Variants in AIM2 observed in about 807,000 individuals in gnomAD.
AIM2 encodes the protein interferon-inducible protein AIM2.
In AIM2, 30 loss-of-function variants were observed where a neutral mutation model predicts 27.7. The observed-to-expected ratio is 1.08, with a 90% CI of 0.81 to 1.47. The LOEUF (loss-of-function observed/expected upper bound fraction) is 1.47. Among genes scored for constraint, AIM2 ranks in the 40% most tolerant of loss-of-function variants. AIM2 has a pLI of 0.00. For missense variants in AIM2, 358 were observed against 411.3 expected (o/e 0.87, Z 1.12); for synonymous variants, 141 against 145.3 (o/e 0.97, Z 0.21).
chr1:159,142,545 G>A (rs141479768), upstream of AIM2, among the ~76,000 whole-genome samples: 15 of 152,138 alleles, frequency 9.9e-5, no homozygotes, highest in East Asian at 1.9e-3. Context: ...TGCTCAGCCC[G>A]GAATCCCTGA....
At chr1:159,083,280 C>A (rs1004729743) in intron 1 of AIM2, among the ~76,000 whole-genome samples, 1 of 152,030 alleles carries the variant, frequency 6.6e-6, no homozygotes, top group Non-Finnish European at 1.5e-5. Context: ...AGGGTTCCAA[C>A]AATGTAAGAA....
At position 159,104,646 on chromosome 1, in the gene AIM2, T is replaced by C. The variant is rs923040604; in HGVS notation, c.-16+35785A>G. ...GTGATTACATGTTGAAGTGATAATA[T>C]TTTGGATATACTGGGTTTAATCAGA... is the stretch of plus-strand genomic sequence containing the variant. On this transcript the variant is annotated intron_variant, in intron 1 of 2. Coordinates refer to the AIM2 transcript ENST00000368129. Among the ~76,000 whole-genome samples the C allele has an allele frequency of 3.3e-5, 5 of 152,216 alleles. No individual in the cohort carries two copies. The South Asian group carries it at 6.2e-4, about 19-fold the overall frequency.
At chr1:159,143,799 C>T (rs1180228399), upstream of AIM2, among the ~76,000 whole-genome samples, 10 of 152,158 alleles carry the variant, frequency 6.6e-5, no homozygotes, top group Admixed American at 6.5e-4. Flanking sequence ...GTAATGTTCC[C>T]ACTTGCTGCT....
chr1:159,056,253 G>A, the AIM2 span, among the ~76,000 whole-genome samples: 1 of 152,288 alleles, frequency 6.6e-6, no homozygotes, highest in South Asian at 2.1e-4. Context: ...TTCCACCCAG[G>A]AAGAGGAGGG....
intron 1 of AIM2, among the ~76,000 whole-genome samples, chr1:159,134,814 G>A (rs1355428701): frequency 3.3e-5 from 5 of 152,146 alleles, no homozygotes; most frequent in Middle Eastern, 6.8e-3. Context: ...CCTGGGAAAC[G>A]GGGCAAGACT....
chr1:159,076,420 G>A (rs1014732436), intron 1 of AIM2, among the ~76,000 whole-genome samples: 2 of 152,180 alleles, frequency 1.3e-5, no homozygotes, highest in South Asian at 2.1e-4. Flanking sequence ...AAAGGAAGCC[G>A]AAGCTTAAGG....
chr1:159,079,374 A>T (rs541981476), upstream of AIM2, among the ~76,000 whole-genome samples: 9 of 152,252 alleles, frequency 5.9e-5, no homozygotes, highest in South Asian at 1.9e-3. Flanking sequence ...CAGGAGAGAA[A>T]AAAAATAAGA....
intron 1 of AIM2, among the ~76,000 whole-genome samples, chr1:159,109,981 C>T (rs564676644): frequency 6.6e-6 from 1 of 152,260 alleles, no homozygotes; most frequent in African/African-American, 2.4e-5. Flanking sequence ...AGTACAACCA[C>T]TATGGAAAAC....
chr1:159,146,593 T>A (rs1047129997), intron 1 of AIM2, among the ~76,000 whole-genome samples: 4 of 152,118 alleles, frequency 2.6e-5, no homozygotes, highest in Non-Finnish European at 5.9e-5. Flanking sequence ...TACTGTGTAA[T>A]CTCTATAATG....
chr1:159,145,266 C>T (rs1158870977), upstream of AIM2, among the ~76,000 whole-genome samples: 1 of 152,146 alleles, frequency 6.6e-6, no homozygotes, highest in Non-Finnish European at 1.5e-5. Context: ...AATGCAAAAG[C>T]CCTTCAGTCC....
chr1:159,056,727 A>AC, the AIM2 span, among the ~76,000 whole-genome samples: 26 of 132,466 alleles, frequency 2.0e-4, no homozygotes, highest in South Asian at 4.6e-4. Context: ...CAAAAAAAAA[A>AC]AAAAAAAAAA....
Position 159,066,344 on chromosome 1 carries a change from A to G in AIM2, c.397-15T>C. On this transcript the variant is annotated splice_polypyrimidine_tract_variant and intron_variant, in intron 3 of 5. Transcript: ENST00000368130. ...TTCTGTTCAGGCTGAAGACAAGAGA[A>G]GAAAGATATCAGCTGTGAGTCAAAA... 6.3e-7 allele frequency: 1 copy of G among 1,598,024 alleles called. No homozygotes were observed. The highest frequency in any genetic ancestry group is 8.5e-7 in the Non-Finnish European group (1 of 1,173,430).
At chr1:159,072,851 T>C (rs1220417004) in intron 2 of AIM2, among the ~76,000 whole-genome samples, 5 of 152,220 alleles carry the variant, frequency 3.3e-5, no homozygotes, top group African/African-American at 1.2e-4. Flanking sequence ...TGCAATAATT[T>C]ATACTTTCAA....
chr1:159,082,517 GGC>G (rs1656802139), intron 1 of AIM2, among the ~76,000 whole-genome samples: 2 of 151,842 alleles, frequency 1.3e-5, no homozygotes, highest in East Asian at 3.9e-4. Context: ...TTTTTTTAAA[GGC>G]AAGGTCTTGC....
chr1:159,111,406 C>T (rs1317258560), intron 1 of AIM2, among the ~76,000 whole-genome samples: 1 of 152,120 alleles, frequency 6.6e-6, no homozygotes, highest in Non-Finnish European at 1.5e-5. Flanking sequence ...TGTGAATGTA[C>T]CAAATGCCAC....
At chr1:159,056,357 A>C in the AIM2 span, among the ~76,000 whole-genome samples, 1 of 151,712 alleles carries the variant, frequency 6.6e-6, no homozygotes, top group African/African-American at 2.4e-5. Flanking sequence ...TTCTCTGGGG[A>C]CCCCTTCCCA....
intron 1 of AIM2, among the ~76,000 whole-genome samples, chr1:159,126,585 C>G (rs1647697735): frequency 1.4e-5 from 2 of 144,848 alleles, no homozygotes; most frequent in Non-Finnish European, 3.0e-5. Context: ...GGAGGCGAAG[C>G]TTGCAGTGAG....
intron 1 of AIM2, among the ~76,000 whole-genome samples, chr1:159,109,218 G>A (rs928988058): frequency 2.0e-5 from 3 of 151,998 alleles, no homozygotes; most frequent in Non-Finnish European, 4.4e-5. Context: ...GGCACATAGA[G>A]CAATGGAACA....
intron 1 of AIM2, among the ~76,000 whole-genome samples, chr1:159,127,323 G>A (rs1478876528): frequency 6.6e-6 from 1 of 152,064 alleles, no homozygotes; most frequent in Non-Finnish European, 1.5e-5. Context: ...AAATGTGCAC[G>A]GGGCCCTTAG....
Sources: gnomAD v4.1 joint callset for allele counts (sites outside exome capture counted in the v4.1 genomes callset) on GRCh38, gnomAD v4.1.1 for gene constraint, MANE v1.5 for transcripts, NCBI Gene and HGNC (gene_info 2026-07-23, HGNC 2026-07-21) for gene names.